AGFG1: variants seen among roughly 807,000 people sequenced by gnomAD.
AGFG1 encodes ArfGAP with FG repeats 1.
In AGFG1, 10 loss-of-function variants were observed where a neutral mutation model predicts 60.6. The observed-to-expected ratio is 0.16, with a 90% CI of 0.10 to 0.28. The LOEUF (loss-of-function observed/expected upper bound fraction) is 0.28. Among genes scored for constraint, AGFG1 ranks in the 10% least tolerant of loss-of-function variants. The probability of loss-of-function intolerance (pLI) is 1.00; values close to 1 mark genes in which losing one functional copy is unlikely to be tolerated. For synonymous variants in AGFG1, 247 were observed against 242.9 expected, an observed-to-expected ratio of 1.02 and a Z score of -0.16; for missense variants, 537 against 676.5, an observed-to-expected ratio of 0.79 and a Z score of 2.29.
chr2:227,472,538 C>T lies in AGFG1; in HGVS notation c.117C>T (p.Tyr39=), dbSNP rs1366728278. Reference sequence around the variant, plus strand: ...ACTGCGACCAGCGCGGCCCCACCTACGTTAACATGACGGTCGGCTCCTTCG... The same window carrying T: ...ACTGCGACCAGCGCGGCCCCACCTATGTTAACATGACGGTCGGCTCCTTCG... ...CFDCDQRGPT[Y]VNMTVGSFVC... The change falls in exon 1 of 13, where the codon TAC becomes TAT. Residue 39 remains tyrosine (Y), a synonymous_variant. Transcript: ENST00000310078. 2.5e-6 allele frequency: 4 copies of T among 1,582,276 alleles called. No homozygotes were observed. Among genetic ancestry groups the T allele is most frequent in the Non-Finnish European group, 2.6e-6 (3 of 1,164,030 alleles).
intron 2 of AGFG1, among the ~76,000 whole-genome samples, chr2:227,497,518 C>G (rs1322379549): frequency 6.6e-6 from 1 of 151,896 alleles, no homozygotes; most frequent in Non-Finnish European, 1.5e-5. Context: ...ACTAACACCC[C>G]CATATGTATT....
intron 2 of AGFG1, among the ~76,000 whole-genome samples, chr2:227,516,242 G>A (rs1247308385): frequency 6.6e-6 from 1 of 152,172 alleles, no homozygotes; most frequent in Non-Finnish European, 1.5e-5. Flanking sequence ...TACCTAGAGG[G>A]ACTGATTTCA....
chr2:227,518,909 G>A (rs550377754), intron 2 of AGFG1, among the ~76,000 whole-genome samples: 5 of 152,184 alleles, frequency 3.3e-5, no homozygotes, highest in East Asian at 1.9e-4. Context: ...ATGGTGGCTC[G>A]CGCCTGTAAT....
chr2:227,523,898 G>A lies in AGFG1; in HGVS notation c.513G>A (p.Leu171=), dbSNP rs1274133927. 2 of 1,613,508 alleles carry A rather than the reference G, an allele frequency of 1.2e-6. No homozygotes were observed. Among genetic ancestry groups the A allele is most frequent in the African/African-American group, 2.7e-5 (2 of 74,820 alleles). ...KSLLGDSAPT[L]HLNKGTPSQS... ...TTTTAGGGGATTCTGCACCAACACT[G>A]CACTTAAATAAGGGCACACCTAGTC... The change falls in exon 4 of 13, where the codon CTG becomes CTA. Residue 171 remains leucine, a synonymous_variant. Transcript: ENST00000310078.
chr2:227,500,072 C>A (rs1288161285), intron 2 of AGFG1, among the ~76,000 whole-genome samples: 1 of 152,166 alleles, frequency 6.6e-6, no homozygotes, highest in East Asian at 1.9e-4. Flanking sequence ...ACAGAGTATG[C>A]CATGTGGTTA....
intron 10 of AGFG1, among the ~76,000 whole-genome samples, chr2:227,550,676 G>C (rs1242646912): frequency 1.3e-5 from 2 of 152,094 alleles, no homozygotes; most frequent in Non-Finnish European, 2.9e-5. Context: ...GGTTCATTGA[G>C]CAGAATTGCA....
intron 2 of AGFG1, among the ~76,000 whole-genome samples, chr2:227,497,482 C>G (rs1691007678): frequency 6.6e-6 from 1 of 152,078 alleles, no homozygotes; most frequent in Admixed American, 6.5e-5. Flanking sequence ...TCCCATCAGT[C>G]TTTCAGGAGT....
At chr2:227,493,079 AAGT>A (rs1690866126) in intron 2 of AGFG1, among the ~76,000 whole-genome samples, 1 of 152,182 alleles carries the variant, frequency 6.6e-6, no homozygotes, top group African/African-American at 2.4e-5. Flanking sequence ...TCAATTGAAG[AAGT>A]GAAAATATAA....
intron 1 of AGFG1, among the ~76,000 whole-genome samples, chr2:227,478,812 C>A (rs1347197326): frequency 6.6e-6 from 1 of 152,126 alleles, no homozygotes. Context: ...CTGAATTCTT[C>A]TAGATTTTTA....
At position 227,536,577 on chromosome 2, in the gene AGFG1, CT is replaced by C. The variant is rs747645398; in HGVS notation, c.1206-38del. 4.8e-3 allele frequency: 6,116 copies of C among 1,274,778 alleles called. 1 individual carries two copies. Among genetic ancestry groups the C allele is most frequent in the South Asian group, 5.3e-3 (366 of 69,446 alleles). The allele number at this position is 1,274,778 out of a possible 1,614,324, so 79.0% of individuals were successfully genotyped here. On this transcript the variant is annotated intron_variant, in intron 8 of 12. Coordinates refer to ENST00000310078, the MANE Select transcript of AGFG1 (RefSeq NM_004504.5). ...TGGCTACCCTGTAAATCGTTACTTT[CT>C]TTTTTTTTTAAGAAAAAAAATGAAC...
At chr2:227,532,786 T>C (rs993410219) in intron 6 of AGFG1, among the ~76,000 whole-genome samples, 1 of 152,142 alleles carries the variant, frequency 6.6e-6, no homozygotes, top group African/African-American at 2.4e-5. Context: ...TGAAATATAC[T>C]GGTTTTAGTC....
At chr2:227,484,022 A>G (rs1690546943) in intron 1 of AGFG1, among the ~76,000 whole-genome samples, 1 of 152,106 alleles carries the variant, frequency 6.6e-6, no homozygotes, top group Non-Finnish European at 1.5e-5. Flanking sequence ...ACCCATTAAC[A>G]TTAGGTATAT....
chr2:227,553,838 C>T, intron 12 of AGFG1, 43 bp downstream of exon 12: 1 of 1,439,674 alleles, frequency 6.9e-7, no homozygotes, highest in Non-Finnish European at 9.6e-7. Flanking sequence ...GTTGTTAAAT[C>T]TTATTTTAAA....
intron 10 of AGFG1, among the ~76,000 whole-genome samples, chr2:227,549,430 A>C (rs534758689): frequency 6.6e-6 from 1 of 152,336 alleles, no homozygotes; most frequent in South Asian, 2.1e-4. Flanking sequence ...GTCCTCAAAC[A>C]TGCCAGGTGA....
rs975670536 is a variant in AGFG1, at chr2:227,555,008, T to C, written c.*513T>C. 3 of 152,704 alleles carry C rather than the reference T, an allele frequency of 2.0e-5. No individual in the cohort carries two copies. The highest frequency in any genetic ancestry group is 7.2e-5 in the African/African-American group (3 of 41,444). 9.5% of individuals were successfully genotyped at this position (152,704 alleles called of 1,614,324 possible). A position where few individuals can be genotyped will look rare whatever the true frequency, so the allele number is the denominator to read the frequency against. The stretch of plus-strand genomic sequence containing the variant: ...GAATTTTTCCTTTCTAAAGAGCTCT[T>C]CTATTTATACATGCCTAAATTCTTT... On this transcript the variant is annotated 3_prime_UTR_variant, in exon 13 of 13. Transcript: ENST00000310078.
At chr2:227,553,606 T>A in intron 11 of AGFG1, 98 bp from the exon 12 acceptor site, 3 of 961,268 alleles carry the variant, frequency 3.1e-6, no homozygotes, top group Non-Finnish European at 3.2e-6. Context: ...TTTTTGCTGC[T>A]CTGGTAGGAA....
intron 11 of AGFG1, among the ~76,000 whole-genome samples, chr2:227,552,353 C>T (rs1322193304): frequency 6.6e-6 from 1 of 152,100 alleles, no homozygotes. Flanking sequence ...AAGAGCATCC[C>T]GTCATTCTCA....
intron 5 of AGFG1, among the ~76,000 whole-genome samples, chr2:227,530,740 C>T (rs530907249): frequency 6.6e-6 from 1 of 152,252 alleles, no homozygotes; most frequent in East Asian, 1.9e-4. Context: ...ATGTTTTCTA[C>T]ATCTTTGTCT....
At position 227,546,383 on chromosome 2, in the gene AGFG1, C is replaced by G. The variant is rs572595572; in HGVS notation, c.1379-5576C>G. Among the ~76,000 whole-genome samples the G allele has an allele frequency of 5.3e-5, 8 of 152,338 alleles. No individual in the cohort carries two copies. In the South Asian group the frequency reaches 1.4e-3, roughly 28 times the overall value. On this transcript the variant is annotated intron_variant, in intron 10 of 12. Coordinates refer to ENST00000310078, the MANE Select transcript of AGFG1 (RefSeq NM_004504.5). ...GGGAGTGTCCCGATTTTCCAGGTACCGTCTGTCACAGCTTCTGTTGGCTAG... is the reference window on the plus strand; with the variant it reads ...GGGAGTGTCCCGATTTTCCAGGTACGGTCTGTCACAGCTTCTGTTGGCTAG...
Sources: allele counts gnomAD v4.1 joint callset (sites outside exome capture counted in the v4.1 genomes callset), GRCh38; gene constraint gnomAD v4.1.1; transcripts MANE v1.5; gene names NCBI Gene and HGNC (gene_info 2026-07-23, HGNC 2026-07-21).